The following KIRREL1 variants were observed in gnomAD, a reference collection of about 807,000 sequenced individuals.
KIRREL1 encodes kirre like nephrin family adhesion molecule 1, also known as kin of IRRE-like protein 1.
Under a neutral mutation model 83.3 loss-of-function variants are expected in KIRREL1, and 25 were observed. That is an observed-to-expected ratio of 0.30 (90% CI 0.22 to 0.42). The LOEUF (loss-of-function observed/expected upper bound fraction) is 0.42. Among genes scored for constraint, KIRREL1 ranks in the 10% least tolerant of loss-of-function variants. KIRREL1 has a pLI of 1.00. For synonymous variants in KIRREL1, 388 were observed against 410.4 expected (o/e 0.95, Z 0.66); for missense variants, 812 against 1,032.3 (o/e 0.79, Z 2.92).
At chr1:158,093,829 T>C (rs1571005243) in intron 13 of KIRREL1, 67 bp downstream of exon 13, 4 of 1,574,646 alleles carry the variant, frequency 2.5e-6, no homozygotes, top group African/African-American at 2.7e-5. Flanking sequence ...CCATCCCAGA[T>C]CTCTAATAAC....
At chr1:158,044,048 T>G (rs756362712) in intron 1 of KIRREL1, among the ~76,000 whole-genome samples, 2 of 152,198 alleles carry the variant, frequency 1.3e-5, no homozygotes, top group South Asian at 4.1e-4. Context: ...TTTTGGACAT[T>G]CATTCATTCT....
At chr1:157,998,349 G>A (rs921125120) in intron 1 of KIRREL1, among the ~76,000 whole-genome samples, 1 of 152,154 alleles carries the variant, frequency 6.6e-6, no homozygotes, top group African/African-American at 2.4e-5. Flanking sequence ...AAGGGAGTGA[G>A]TATTTCATAA....
chr1:158,070,260 A>T (rs367928361), intron 1 of KIRREL1, among the ~76,000 whole-genome samples: 25 of 152,300 alleles, frequency 1.6e-4, no homozygotes, highest in African/African-American at 5.5e-4. Flanking sequence ...TTCTGGAGAG[A>T]CACCCGGGAT....
chr1:158,072,698 C>T (rs773062731), intron 1 of KIRREL1, among the ~76,000 whole-genome samples: 6 of 151,864 alleles, frequency 4.0e-5, no homozygotes, highest in Non-Finnish European at 8.8e-5. Context: ...AACTTGGAGT[C>T]GGTCCTGGGA....
chr1:158,025,636 G>T (rs1266210576), intron 1 of KIRREL1: 2 of 152,858 alleles, frequency 1.3e-5, no homozygotes, highest in Non-Finnish European at 2.9e-5. Context: ...GGCCAGGCGG[G>T]AAGAGATGCA....
chr1:158,089,182 C>T (rs539623303), intron 8 of KIRREL1, among the ~76,000 whole-genome samples: 14 of 152,154 alleles, frequency 9.2e-5, no homozygotes, highest in Admixed American at 7.9e-4. Context: ...CAGAGTAAAA[C>T]GTCCTATGTC....
intron 1 of KIRREL1, among the ~76,000 whole-genome samples, chr1:158,014,904 C>T (rs1038728895): frequency 2.0e-5 from 3 of 152,078 alleles, no homozygotes; most frequent in African/African-American, 7.2e-5. Context: ...CCTTCCGGTG[C>T]TTTACTGGGA....
chr1:158,052,311 ACAT>A (rs988436894), intron 1 of KIRREL1, among the ~76,000 whole-genome samples: 1 of 152,078 alleles, frequency 6.6e-6, no homozygotes, highest in Non-Finnish European at 1.5e-5. Flanking sequence ...AACCCACCCA[ACAT>A]TCCCCTTACC....
chr1:158,048,457 GT>G (rs34302649), intron 1 of KIRREL1, among the ~76,000 whole-genome samples: 2 of 152,160 alleles, frequency 1.3e-5, no homozygotes, highest in African/African-American at 4.8e-5. Flanking sequence ...TAGGAAAGGC[GT>G]TTTTTCAGCA....
chr1:158,081,783 A>T (rs1157679273), intron 3 of KIRREL1, among the ~76,000 whole-genome samples: 1 of 152,204 alleles, frequency 6.6e-6, no homozygotes, highest in African/African-American at 2.4e-5. Context: ...ATTCAGAGAA[A>T]GGTAGACTGC....
In KIRREL1 at chr1:158,033,324, G is replaced by A. The variant is rs1571553244; in HGVS notation, c.52+39596G>A. On this transcript the variant is annotated intron_variant, in intron 1 of 14. Transcript: ENST00000359209. ...TGACCTCAGGTGATCCACTCGCCTC[G>A]GCCTCCCAAAGCTCTGGGATTACAG... Among the ~76,000 whole-genome samples the A allele has an allele frequency of 2.6e-5, 4 of 151,948 alleles. No homozygotes were observed. The East Asian group carries it at 5.8e-4, about 22-fold the overall frequency.
chr1:158,060,394 A>C (rs909541394), intron 1 of KIRREL1, among the ~76,000 whole-genome samples: 2 of 151,860 alleles, frequency 1.3e-5, no homozygotes, highest in African/African-American at 4.8e-5. Context: ...TAAGGCCCTC[A>C]CACTTCTATC....
chr1:158,029,374 C>CGT (rs1660261593), intron 1 of KIRREL1, among the ~76,000 whole-genome samples: 1 of 13,342 alleles, frequency 7.5e-5, no homozygotes, highest in Admixed American at 1.2e-3. Context: ...TGTGCACGTG[C>CGT]GCGCGCATGC....
chr1:158,023,521 A>G (rs1455875293), intron 1 of KIRREL1, among the ~76,000 whole-genome samples: 1 of 152,204 alleles, frequency 6.6e-6, no homozygotes, highest in East Asian at 1.9e-4. Context: ...CATAAGAGGC[A>G]TAATTACAGG....
At chr1:158,032,360 C>T (rs930097268) in intron 1 of KIRREL1, among the ~76,000 whole-genome samples, 1 of 152,010 alleles carries the variant, frequency 6.6e-6, no homozygotes, top group African/African-American at 2.4e-5. Context: ...TAATGAGAGG[C>T]TGGCTGTGTG....
chr1:158,026,452 GA>G (rs1366471438), intron 1 of KIRREL1, among the ~76,000 whole-genome samples: 2 of 152,174 alleles, frequency 1.3e-5, no homozygotes, highest in Non-Finnish European at 2.9e-5. Context: ...AGGAGATGGG[GA>G]CAGCATACTT....
In KIRREL1 at chr1:158,043,075, G is replaced by A. The variant is rs181904240; in HGVS notation, c.53-33038G>A. Among the ~76,000 whole-genome samples, 19 of 131,054 alleles carry A rather than the reference G, an allele frequency of 1.4e-4. No individual in the cohort carries two copies. The East Asian group carries it at 3.9e-3, about 27-fold the overall frequency. The allele number at this position is 131,054 out of a possible 152,430, so 86.0% of individuals were successfully genotyped here. ...TGCACTCCAGCCTGGGCAACAGAGC[G>A]AGACTCCATCTCAAAAAAAAAAAAA... On this transcript the variant is annotated intron_variant, in intron 1 of 14. Transcript: ENST00000359209.
At chr1:158,080,147 C>T (rs999647871) in intron 3 of KIRREL1, among the ~76,000 whole-genome samples, 1 of 152,136 alleles carries the variant, frequency 6.6e-6, no homozygotes, top group African/African-American at 2.4e-5. Context: ...AACCGTGAGA[C>T]TCTTAGGAAA....
intron 1 of KIRREL1, among the ~76,000 whole-genome samples, chr1:158,061,415 A>G (rs772016419): frequency 9.2e-5 from 14 of 152,204 alleles, no homozygotes; most frequent in South Asian, 2.1e-4. Flanking sequence ...GGTGGGCAAC[A>G]CAGGGAGATC....
Sources: allele counts gnomAD v4.1 joint callset (sites outside exome capture counted in the v4.1 genomes callset), GRCh38; gene constraint gnomAD v4.1.1; transcripts MANE v1.5; gene names NCBI Gene and HGNC (gene_info 2026-07-23, HGNC 2026-07-21).